EYS: variants seen among roughly 807,000 people sequenced by gnomAD.
EYS encodes the protein EGF-like photoreceptor maintenance factor, also known as protein eyes shut homolog.
A neutral mutation model predicts 282.1 loss-of-function variants in EYS; 250 were observed. The observed-to-expected ratio is 0.89, with a 90% CI of 0.80 to 0.98. EYS has a LOEUF of 0.98. Among genes scored for constraint, EYS ranks in the 50% least tolerant of loss-of-function variants. The pLI, the probability that EYS is intolerant of heterozygous loss-of-function variation, is 0.00. For synonymous variants in EYS, 1,355 were observed against 1,282.9 expected (o/e 1.06, Z -1.20); for missense variants, 4,016 against 3,709.0 (o/e 1.08, Z -2.15).
chr6:65,274,899 CA>C (rs1187339138), intron 12 of EYS, among the ~76,000 whole-genome samples: 2 of 94,406 alleles, frequency 2.1e-5, no homozygotes, highest in Non-Finnish European at 4.1e-5. Flanking sequence ...CTCCTACAGC[CA>C]AAAAAAAAGG....
intron 1 of EYS, among the ~76,000 whole-genome samples, chr6:65,691,105 G>C (rs910931026): frequency 6.7e-6 from 1 of 150,214 alleles, no homozygotes; most frequent in Non-Finnish European, 1.5e-5. Context: ...CTAGTAATGG[G>C]ATCACTGGGT....
intron 35 of EYS, among the ~76,000 whole-genome samples, chr6:63,875,599 C>T (rs1178214358): frequency 1.3e-5 from 2 of 152,104 alleles, no homozygotes; most frequent in Non-Finnish European, 2.9e-5. Flanking sequence ...TCCGTCTGGT[C>T]CTGGACTTTT....
chr6:65,252,147 C>A (rs1767343853), intron 12 of EYS, among the ~76,000 whole-genome samples: 1 of 151,830 alleles, frequency 6.6e-6, no homozygotes, highest in African/African-American at 2.4e-5. Flanking sequence ...ACCCCAACTT[C>A]CTGGCAAGAG....
At chr6:65,579,590 T>G (rs1308869608) in intron 2 of EYS, among the ~76,000 whole-genome samples, 1 of 152,054 alleles carries the variant, frequency 6.6e-6, no homozygotes, top group Middle Eastern at 3.4e-3. Context: ...TCCTTGCAGA[T>G]GACCATCTTC....
At chr6:64,891,064 T>C (rs1422999265) in intron 18 of EYS, among the ~76,000 whole-genome samples, 3 of 152,054 alleles carry the variant, frequency 2.0e-5, no homozygotes, top group Admixed American at 2.0e-4. Context: ...TCAACTGGAA[T>C]GTTGGGGGTC....
intron 19 of EYS, among the ~76,000 whole-genome samples, chr6:64,874,628 A>G (rs1312198281): frequency 6.6e-6 from 1 of 152,100 alleles, no homozygotes; most frequent in Non-Finnish European, 1.5e-5. Flanking sequence ...GAAATCAGAG[A>G]ATAACGAAGT....
At chr6:63,751,531 AAAG>A (rs1188998814) in intron 41 of EYS, among the ~76,000 whole-genome samples, 1 of 152,240 alleles carries the variant, frequency 6.6e-6, no homozygotes, top group African/African-American at 2.4e-5. Flanking sequence ...AATAGATTAA[AAAG>A]AACTTTTCTT....
At chr6:65,090,552 G>T (rs1774529453) in intron 12 of EYS, among the ~76,000 whole-genome samples, 1 of 152,078 alleles carries the variant, frequency 6.6e-6, no homozygotes, top group Non-Finnish European at 1.5e-5. Flanking sequence ...TCTCTACATT[G>T]CAAAGCAGAG....
At chr6:64,022,021 C>G (rs1428486667) in intron 33 of EYS, among the ~76,000 whole-genome samples, 6 of 152,198 alleles carry the variant, frequency 3.9e-5, no homozygotes, top group Non-Finnish European at 4.4e-5. Context: ...ATTCCCCTCT[C>G]TATGGATATT....
intron 35 of EYS, among the ~76,000 whole-genome samples, chr6:63,940,664 T>C (rs1471862779): frequency 5.3e-5 from 8 of 151,954 alleles, no homozygotes; most frequent in African/African-American, 1.9e-4. Flanking sequence ...GATATCTGCC[T>C]GAATACGTTT....
intron 22 of EYS, among the ~76,000 whole-genome samples, chr6:64,793,222 T>C (rs905748563): frequency 1.3e-5 from 2 of 152,170 alleles, no homozygotes; most frequent in African/African-American, 4.8e-5. Flanking sequence ...AGCTTTGTAT[T>C]TATTGGTGTA....
chr6:64,895,888 GA>G (rs1207872224), intron 18 of EYS, among the ~76,000 whole-genome samples: 1 of 151,846 alleles, frequency 6.6e-6, no homozygotes, highest in Non-Finnish European at 1.5e-5. Flanking sequence ...GAAATATAGG[GA>G]AAAAATCCTT....
intron 2 of EYS, among the ~76,000 whole-genome samples, chr6:65,600,064 C>T (rs1765562983): frequency 6.6e-6 from 1 of 152,060 alleles, no homozygotes; most frequent in South Asian, 2.1e-4. Flanking sequence ...AGGTTCACCT[C>T]AGCTTCCACT....
chr6:64,438,607 T>C (rs938580330), intron 27 of EYS, among the ~76,000 whole-genome samples: 1 of 151,292 alleles, frequency 6.6e-6, no homozygotes, highest in Non-Finnish European at 1.5e-5. Flanking sequence ...AATTAAGAAA[T>C]TGGGAAACTG....
chr6:65,036,211 GA>G (rs1234357297), intron 13 of EYS, among the ~76,000 whole-genome samples: 2 of 151,670 alleles, frequency 1.3e-5, no homozygotes, highest in Middle Eastern at 6.8e-3. Context: ...ACAAAGTCAA[GA>G]AAAAGAAGAA....
intron 29 of EYS, among the ~76,000 whole-genome samples, chr6:64,341,602 C>T (rs1447038970): frequency 1.3e-5 from 2 of 151,688 alleles, no homozygotes; most frequent in Admixed American, 1.3e-4. Context: ...ACTATGCTCA[C>T]TAGCTGGCTC....
intron 31 of EYS, among the ~76,000 whole-genome samples, chr6:64,093,532 C>T (rs1772454873): frequency 6.6e-6 from 1 of 152,066 alleles, no homozygotes; most frequent in African/African-American, 2.4e-5. Flanking sequence ...AATGGGAGTC[C>T]ACTCATGATT....
chr6:64,694,853 T>C (rs564372224), intron 22 of EYS, among the ~76,000 whole-genome samples: 8 of 152,254 alleles, frequency 5.3e-5, no homozygotes, highest in Non-Finnish European at 1.0e-4. Context: ...TTTCACGGTC[T>C]GAAGACAAAC....
At chr6:65,570,947 T>C (rs1764456095) in intron 2 of EYS, among the ~76,000 whole-genome samples, 3 of 152,124 alleles carry the variant, frequency 2.0e-5, no homozygotes, top group Admixed American at 2.0e-4. Context: ...AGGCCATATG[T>C]TTTAGAAACT....
Sources: gnomAD v4.1 joint callset for allele counts (sites outside exome capture counted in the v4.1 genomes callset) on GRCh38, gnomAD v4.1.1 for gene constraint, MANE v1.5 for transcripts, NCBI Gene and HGNC (gene_info 2026-07-23, HGNC 2026-07-21) for gene names.